Variants in IKBIP observed in about 807,000 individuals in gnomAD.
IKBIP encodes inhibitor of nuclear factor kappa-B kinase-interacting protein.
In IKBIP, 28 loss-of-function variants were observed where a neutral mutation model predicts 31.0. That is an observed-to-expected ratio of 0.90 (90% CI 0.67 to 1.24). The LOEUF is 1.24. Ranked by LOEUF, IKBIP falls within the 50% of genes most tolerant of loss-of-function variation. IKBIP has a pLI of 0.00. For synonymous variants in IKBIP, 164 were observed against 160.3 expected, an observed-to-expected ratio of 1.02 and a Z score of -0.17; for missense variants, 453 against 441.9, an observed-to-expected ratio of 1.03 and a Z score of -0.23.
At position 98,624,851 on chromosome 12, in the gene IKBIP, C is replaced by T. The variant is rs1452009637; in HGVS notation, c.*1079G>A. 6 of 633,100 alleles carry T rather than the reference C, an allele frequency of 9.5e-6. No homozygotes were observed. Among genetic ancestry groups the T allele is most frequent in the East Asian group, 1.4e-4 (1 of 7,158 alleles). 39.2% of individuals were successfully genotyped at this position (633,100 alleles called of 1,614,324 possible). A position where few individuals can be genotyped will look rare whatever the true frequency, so the allele number is the denominator to read the frequency against. On this transcript the variant is annotated 3_prime_UTR_variant, in exon 3 of 3. Coordinates refer to ENST00000299157, the MANE Select transcript of IKBIP (RefSeq NM_153687.4). Reference sequence around the variant, plus strand: ...ACAGAGTCTCACTTTGCCACTCAGGCTGGAGTGCAGTGGCGCGATCTCGGC... The same window carrying T: ...ACAGAGTCTCACTTTGCCACTCAGGTTGGAGTGCAGTGGCGCGATCTCGGC...
At chr12:98,623,345 C>T (rs532188177), downstream of IKBIP, among the ~76,000 whole-genome samples, 2 of 150,826 alleles carry the variant, frequency 1.3e-5, no homozygotes, top group South Asian at 4.2e-4. Flanking sequence ...TGCAATGGTG[C>T]AGGTCACTGC....
At chr12:98,618,881 G>A (rs1332124219) in intron 2 of IKBIP, among the ~76,000 whole-genome samples, 1 of 152,100 alleles carries the variant, frequency 6.6e-6, no homozygotes, top group South Asian at 2.1e-4. Context: ...TATTTTGAGG[G>A]CAGCTTTAAA....
In IKBIP at chr12:98,634,180, G is replaced by A. The variant is rs2097623605; in HGVS notation, c.297+116C>T. 4 of 630,402 alleles carry A rather than the reference G, an allele frequency of 6.3e-6. No individual in the cohort carries two copies. The Admixed American group carries it at 8.2e-5, about 13-fold the overall frequency. 39.1% of individuals were successfully genotyped at this position (630,402 alleles called of 1,614,324 possible). A position where few individuals can be genotyped will look rare whatever the true frequency, so the allele number is the denominator to read the frequency against. ...TCAAGAGGTAGGAAGATCAGTGAGAGTTAAAATAGTGATGGTCTAAAAGGC... is the reference window on the plus strand; with the variant it reads ...TCAAGAGGTAGGAAGATCAGTGAGAATTAAAATAGTGATGGTCTAAAAGGC... On this transcript the variant is annotated intron_variant, in intron 2 of 2. Coordinates refer to ENST00000299157, the MANE Select transcript of IKBIP (RefSeq NM_153687.4).
rs748650385 is a variant in IKBIP, at chr12:98,626,186, G to A, written c.878C>T (p.Thr293Ile). The A allele has an allele frequency of 1.2e-6, 2 of 1,613,764 alleles. No individual in the cohort carries two copies. The highest frequency in any genetic ancestry group is 1.7e-6 in the Non-Finnish European group (2 of 1,179,806). The change falls in exon 3 of 3, where the codon ACA (threonine) becomes ATA (isoleucine). Residue 293 changes from threonine (T) to isoleucine (I), a missense_variant. Thr to Ile is a moderately conservative substitution (Grantham distance 89). Coordinates refer to ENST00000299157, the MANE Select transcript of IKBIP (RefSeq NM_153687.4). ...AGTCAAGTCTTCCATTTTCTTTTCT[G>A]TTTCTATCAGATCCTGAGAGACTCT... ...VLRVSQDLIE[T>I]EKKMEDLTMQ...
At chr12:98,640,327 G>C (rs191694691) in intron 1 of IKBIP, among the ~76,000 whole-genome samples, 1 of 152,044 alleles carries the variant, frequency 6.6e-6, no homozygotes, top group Non-Finnish European at 1.5e-5. Context: ...CCAGCTACTC[G>C]GGAGGCTGAG....
chr12:98,613,631 A>G (rs1383927179), exon 3 of IKBIP: 1 of 1,555,494 alleles, frequency 6.4e-7, no homozygotes, highest in African/African-American at 1.4e-5. Context: ...AATATCCTTA[A>G]TCTCAGCTTG....
chr12:98,619,759 A>G (rs2097608584), downstream of IKBIP, among the ~76,000 whole-genome samples: 1 of 151,584 alleles, frequency 6.6e-6, no homozygotes, highest in Non-Finnish European at 1.5e-5. Flanking sequence ...AAAAATTACA[A>G]AAATAGCCGG....
intron 2 of IKBIP, among the ~76,000 whole-genome samples, chr12:98,632,538 T>TAC (rs2097621836): frequency 3.1e-5 from 3 of 97,188 alleles, no homozygotes; most frequent in Non-Finnish European, 5.9e-5. Flanking sequence ...TATATATATA[T>TAC]ATATATATAT....
chr12:98,624,443 A>C lies in IKBIP; in HGVS notation c.*1487T>G. Reference sequence around the variant, plus strand: ...ACGCTGTCTACCACAGGCCCTCCTAACTCCAGTGGAGAAGGAGTTTGGGGG... The same window carrying C: ...ACGCTGTCTACCACAGGCCCTCCTACCTCCAGTGGAGAAGGAGTTTGGGGG... On this transcript the variant is annotated 3_prime_UTR_variant, in exon 3 of 3. Coordinates refer to ENST00000299157, the MANE Select transcript of IKBIP (RefSeq NM_153687.4). 2.0e-6 allele frequency: 2 copies of C among 984,996 alleles called. No homozygotes were observed. The highest frequency in any genetic ancestry group is 2.4e-6 in the Non-Finnish European group (2 of 829,588). The allele number at this position is 984,996 out of a possible 1,614,324, so 61.0% of individuals were successfully genotyped here.
chr12:98,639,980 A>T (rs2097628937), intron 1 of IKBIP, among the ~76,000 whole-genome samples: 1 of 152,218 alleles, frequency 6.6e-6, no homozygotes, highest in African/African-American at 2.4e-5. Flanking sequence ...CTCTACTAAC[A>T]CAAAGAAAAA....
chr12:98,617,846 G>A (rs2097607113), intron 2 of IKBIP, among the ~76,000 whole-genome samples: 1 of 152,176 alleles, frequency 6.6e-6, no homozygotes, highest in Non-Finnish European at 1.5e-5. Context: ...TCAATCATTT[G>A]ACTTTTGCAT....
Position 98,625,340 on chromosome 12 carries a change from G to A in IKBIP, c.*590C>T. 1.0e-6 allele frequency: 1 copy of A among 974,232 alleles called. No individual in the cohort carries two copies. The allele number at this position is 974,232 out of a possible 1,614,324, so 60.3% of individuals were successfully genotyped here. A position where few individuals can be genotyped will look rare whatever the true frequency, so the allele number is the denominator to read the frequency against. ...TCCCAGGCTTTAGAGTTTTCAGAAA[G>A]TGCATATTAATTCATAGCAAAGGCA... On this transcript the variant is annotated 3_prime_UTR_variant, in exon 3 of 3. Coordinates refer to ENST00000299157, the MANE Select transcript of IKBIP (RefSeq NM_153687.4).
chr12:98,620,427 C>T (rs557350721), downstream of IKBIP, among the ~76,000 whole-genome samples: 293 of 150,282 alleles, frequency 1.9e-3, 1 homozygote, highest in African/African-American at 6.8e-3. Flanking sequence ...AGTGTAGTGG[C>T]GCCATCTCAG....
intron 2 of IKBIP, among the ~76,000 whole-genome samples, chr12:98,632,498 A>T (rs1169750611): frequency 1.6e-5 from 1 of 61,922 alleles, no homozygotes; most frequent in Non-Finnish European, 3.0e-5. Flanking sequence ...AAAAAAAAAA[A>T]AAAAAAAAAA....
At chr12:98,642,249 C>T (rs2097631161) in intron 1 of IKBIP, among the ~76,000 whole-genome samples, 1 of 152,188 alleles carries the variant, frequency 6.6e-6, no homozygotes, top group African/African-American at 2.4e-5. Flanking sequence ...GCAACCTCCA[C>T]CTCCCAGGTT....
At chr12:98,641,003 C>T (rs572230219) in intron 1 of IKBIP, among the ~76,000 whole-genome samples, 2 of 152,236 alleles carry the variant, frequency 1.3e-5, no homozygotes, top group South Asian at 2.1e-4. Context: ...GCTCAAGATC[C>T]GCCCAACTCG....
At chr12:98,632,596 C>T (rs1324900096) in intron 2 of IKBIP, among the ~76,000 whole-genome samples, 9 of 123,354 alleles carry the variant, frequency 7.3e-5, no homozygotes, top group Non-Finnish European at 1.3e-4. Context: ...TTAGAGTTCC[C>T]CCAACAGCTA....
At chr12:98,614,196 T>C (rs372499737) in exon 3 of IKBIP, 2 of 1,613,900 alleles carry the variant, frequency 1.2e-6, no homozygotes, top group Non-Finnish European at 1.7e-6. Context: ...GAAAGCGTCG[T>C]CAGACTGTTG....
At chr12:98,635,008 ATT>A (rs72490022) in intron 1 of IKBIP, among the ~76,000 whole-genome samples, 17 of 84,232 alleles carry the variant, frequency 2.0e-4, no homozygotes, top group Non-Finnish European at 1.7e-4. Context: ...CACGCCCGGT[ATT>A]TTTTTTTTTT....
Sources: gnomAD v4.1 joint callset for allele counts (sites outside exome capture counted in the v4.1 genomes callset) on GRCh38, gnomAD v4.1.1 for gene constraint, MANE v1.5 for transcripts, NCBI Gene and HGNC (gene_info 2026-07-23, HGNC 2026-07-21) for gene names.